The following AXIN1 variants were observed in gnomAD, a reference collection of about 807,000 sequenced individuals.
The protein encoded by AXIN1 is axin-1.
Under a neutral mutation model 76.4 loss-of-function variants are expected in AXIN1, and 30 were observed. That is an observed-to-expected ratio of 0.39 (90% confidence interval 0.29 to 0.53). The LOEUF (loss-of-function observed/expected upper bound fraction) is 0.53, where lower values mean the gene tolerates loss of function less well. Ranked by LOEUF, AXIN1 falls within the 20% of genes least tolerant of loss-of-function variation. AXIN1 has a pLI of 0.66. For missense variants in AXIN1, 1,140 were observed against 1,198.8 expected, an observed-to-expected ratio of 0.95 and a Z score of 0.72; for synonymous variants, 545 against 501.4, an observed-to-expected ratio of 1.09 and a Z score of -1.16.
intron 2 of AXIN1, among the ~76,000 whole-genome samples, chr16:337,149 CAAAAAAAA>C (rs398028563): frequency 3.9e-4 from 12 of 30,580 alleles, no homozygotes; most frequent in Admixed American, 1.4e-3. Flanking sequence ...GACCCCGTCT[CAAAAAAAA>C]AAAAAAAAAA....
At chr16:317,337 G>A (rs994453110) in intron 2 of AXIN1, among the ~76,000 whole-genome samples, 14 of 152,152 alleles carry the variant, frequency 9.2e-5, no homozygotes, top group Admixed American at 2.6e-4. Flanking sequence ...GGAGGGTATC[G>A]CATGGGGCCA....
intron 6 of AXIN1, 103 bp downstream of exon 6, chr16:297,619 G>A: frequency 7.0e-7 from 1 of 1,422,780 alleles, no homozygotes; most frequent in Non-Finnish European, 9.3e-7. Flanking sequence ...CCTGCCTGTT[G>A]CTGGCGGTCC....
At position 299,257 on chromosome 16, in the gene AXIN1, T is replaced by C. The variant is rs1031145641; in HGVS notation, c.1255-1006A>G. 3 of 985,076 alleles carry C rather than the reference T, an allele frequency of 3.0e-6. No homozygotes were observed. In the African/African-American group the frequency reaches 5.2e-5, roughly 17 times the overall value. 61.0% of individuals were successfully genotyped at this position (985,076 alleles called of 1,614,324 possible). ...AATTCCAAGTTGCATCTCATACTTA[T>C]TTTCTCATCTTATTGGACTGACAAA... On this transcript the variant is annotated intron_variant, in intron 5 of 10. Transcript: ENST00000262320.
chr16:346,635 C>T lies in AXIN1; in HGVS notation c.391G>A (p.Asp131Asn), dbSNP rs2054040303. 1.9e-6 allele frequency: 3 copies of T among 1,584,144 alleles called. No individual in the cohort carries two copies. Among genetic ancestry groups the T allele is most frequent in the Non-Finnish European group, 2.6e-6 (3 of 1,165,134 alleles). The change falls in exon 2 of 11, where the codon GAC becomes AAC. Residue 131 changes from aspartate to asparagine, a missense_variant. Transcript: ENST00000262320. Reference sequence around the variant, plus strand: ...TTCAGCCTCTTCTCCTCGTTCGAGTCACAGGGCTCCAGCTTCCTGAAGCCA... The same window carrying T: ...TTCAGCCTCTTCTCCTCGTTCGAGTTACAGGGCTCCAGCTTCCTGAAGCCA... ...CTGFRKLEPCDSNEEKRLKLA... is the reference protein window; with the variant it reads ...CTGFRKLEPCNSNEEKRLKLA...
chr16:296,035 G>A (rs2052702782), intron 7 of AXIN1, among the ~76,000 whole-genome samples: 1 of 152,232 alleles, frequency 6.6e-6, no homozygotes, highest in Non-Finnish European at 1.5e-5. Flanking sequence ...GGAGGCCAAG[G>A]TGGGAGGATC....
intron 7 of AXIN1, among the ~76,000 whole-genome samples, chr16:296,128 C>T (rs1046663795): frequency 2.6e-5 from 4 of 152,230 alleles, no homozygotes; most frequent in African/African-American, 7.2e-5. Context: ...AGGTGCTGTG[C>T]ACCCCTGTTC....
At chr16:294,841 T>TC (rs926144175) in intron 7 of AXIN1, among the ~76,000 whole-genome samples, 3 of 147,186 alleles carry the variant, frequency 2.0e-5, no homozygotes, top group African/African-American at 7.5e-5. Flanking sequence ...GGAGGGCGGA[T>TC]CACGAGGTCA....
chr16:322,597 A>G (rs3916990), intron 2 of AXIN1, among the ~76,000 whole-genome samples: 43,313 of 152,078 alleles, frequency 0.28, 6,993 homozygotes, highest in South Asian at 0.36. Context: ...CGCGAGGCAA[A>G]GAGTCCATGC....
At chr16:331,943 C>T (rs2053698757) in intron 2 of AXIN1, among the ~76,000 whole-genome samples, 1 of 152,162 alleles carries the variant, frequency 6.6e-6, no homozygotes, top group Non-Finnish European at 1.5e-5. Flanking sequence ...CTGTGGGTTC[C>T]AGAGACCACG....
At chr16:291,155 G>C in intron 9 of AXIN1, 35 bp downstream of exon 9, 5 of 1,546,722 alleles carry the variant, frequency 3.2e-6, no homozygotes, top group Non-Finnish European at 2.6e-6. Flanking sequence ...GGGCTGGGGT[G>C]GGCAGGACCG....
chr16:328,644 C>T (rs1160250755), intron 2 of AXIN1, among the ~76,000 whole-genome samples: 1 of 151,770 alleles, frequency 6.6e-6, no homozygotes, highest in Non-Finnish European at 1.5e-5. Flanking sequence ...TGCAGTGAGC[C>T]GAGACCACAC....
At chr16:333,380 CTCT>C (rs1051844467) in intron 2 of AXIN1, among the ~76,000 whole-genome samples, 16 of 150,950 alleles carry the variant, frequency 1.1e-4, no homozygotes, top group African/African-American at 3.7e-4. Context: ...GTCCCAGCTA[CTCT>C]GGAGGCTGAG....
chr16:302,183 ATGC>A (rs1160433449), intron 5 of AXIN1, among the ~76,000 whole-genome samples: 4 of 152,222 alleles, frequency 2.6e-5, no homozygotes, highest in Admixed American at 6.5e-5. Flanking sequence ...CGCGGCACTG[ATGC>A]TGCTCCTGCC....
intron 2 of AXIN1, among the ~76,000 whole-genome samples, chr16:342,389 C>T (rs1404698624): frequency 6.6e-6 from 1 of 152,190 alleles, no homozygotes; most frequent in African/African-American, 2.4e-5. Flanking sequence ...ATTCCGGACA[C>T]ACCGGGACGA....
chr16:343,992 A>G (rs558448937), intron 2 of AXIN1, among the ~76,000 whole-genome samples: 30 of 149,404 alleles, frequency 2.0e-4, no homozygotes, highest in African/African-American at 7.4e-4. Flanking sequence ...TGTGTGACAG[A>G]GCGAGACTCC....
chr16:350,870 G>A (rs545727187), intron 1 of AXIN1, among the ~76,000 whole-genome samples: 1 of 152,316 alleles, frequency 6.6e-6, no homozygotes, highest in African/African-American at 2.4e-5. Flanking sequence ...GGTGGCTCAC[G>A]CCTGTAATCC....
chr16:315,745 G>A (rs1284359061), intron 2 of AXIN1, among the ~76,000 whole-genome samples: 2 of 151,280 alleles, frequency 1.3e-5, no homozygotes, highest in African/African-American at 4.9e-5. Flanking sequence ...GGAGAATAGC[G>A]TGAACCTGGG....
At chr16:288,693 G>A (rs1051642156) in intron 10 of AXIN1, among the ~76,000 whole-genome samples, 3 of 152,256 alleles carry the variant, frequency 2.0e-5, no homozygotes, top group African/African-American at 7.2e-5. Flanking sequence ...GGCTCTTGGG[G>A]TCAGGCCCCC....
chr16:291,320 G>T, intron 8 of AXIN1, 23 bp from the exon 9 acceptor site: 2 of 1,553,150 alleles, frequency 1.3e-6, no homozygotes, highest in Non-Finnish European at 1.7e-6. Flanking sequence ...CCGCGTCAAA[G>T]GTGGCTGTGC....
Sources: gnomAD v4.1 joint callset for allele counts (sites outside exome capture counted in the v4.1 genomes callset) on GRCh38, gnomAD v4.1.1 for gene constraint, MANE v1.5 for transcripts, NCBI Gene and HGNC (gene_info 2026-07-23, HGNC 2026-07-21) for gene names.